The following RBFOX1 variants were observed in gnomAD, a reference collection of about 807,000 sequenced individuals.
RBFOX1 encodes RNA binding protein fox-1 homolog 1.
RBFOX1 carries 8 observed loss-of-function variants against 57.7 expected under a neutral mutation model. The observed-to-expected ratio is 0.14, with a 90% CI of 0.08 to 0.25. RBFOX1 has a LOEUF of 0.25. RBFOX1 is among the 10% of genes least tolerant of loss of function. The pLI is 1.00. For missense variants in RBFOX1, 611 were observed against 548.5 expected, an observed-to-expected ratio of 1.11 and a Z score of -1.14; for synonymous variants, 326 against 222.4, an observed-to-expected ratio of 1.47 and a Z score of -4.15.
At chr16:7,206,314 G>T (rs542533529) in intron 4 of RBFOX1, among the ~76,000 whole-genome samples, 1 of 151,948 alleles carries the variant, frequency 6.6e-6, no homozygotes, top group African/African-American at 2.4e-5. Context: ...TTCAGGTTGT[G>T]TACCATGCAA....
intron 2 of RBFOX1, among the ~76,000 whole-genome samples, chr16:6,576,562 T>G (rs1340883994): frequency 6.6e-6 from 1 of 152,166 alleles, no homozygotes; most frequent in African/African-American, 2.4e-5. Flanking sequence ...TTTTCTTTCT[T>G]AGGTATGTTT....
chr16:6,316,703 C>A (rs1420032), intron 1 of RBFOX1, among the ~76,000 whole-genome samples: 47,037 of 151,982 alleles, frequency 0.31, 7,842 homozygotes, highest in Middle Eastern at 0.4. Context: ...TCAGGCTTCA[C>A]GATGTACATG....
intron 1 of RBFOX1, among the ~76,000 whole-genome samples, chr16:6,211,188 C>T (rs71392466): frequency 0.027 from 2,475 of 90,408 alleles, 66 homozygotes; most frequent in Middle Eastern, 0.047. Context: ...TTTTCTTCTT[C>T]TTTTTTTTTT....
At chr16:5,321,209 C>T (rs2064393986) in intron 1 of RBFOX1, among the ~76,000 whole-genome samples, 2 of 152,142 alleles carry the variant, frequency 1.3e-5, no homozygotes, top group Admixed American at 6.5e-5. Context: ...CCAGTAATAC[C>T]ACCAACTAAA....
At chr16:6,080,499 C>G (rs1279627935) in intron 1 of RBFOX1, among the ~76,000 whole-genome samples, 1 of 152,104 alleles carries the variant, frequency 6.6e-6, no homozygotes, top group Non-Finnish European at 1.5e-5. Context: ...AGCCTCAAGT[C>G]TGGAGGGGGA....
At chr16:6,668,108 C>G (rs939323318) in intron 3 of RBFOX1, among the ~76,000 whole-genome samples, 1 of 152,116 alleles carries the variant, frequency 6.6e-6, no homozygotes, top group African/African-American at 2.4e-5. Context: ...TTTGTGTATC[C>G]TGTAGCTACT....
At chr16:5,835,748 A>T (rs956959971) in intron 3 of RBFOX1, among the ~76,000 whole-genome samples, 2 of 152,202 alleles carry the variant, frequency 1.3e-5, no homozygotes, top group East Asian at 3.9e-4. Flanking sequence ...TTCTTGATTA[A>T]ACTCAATTTG....
At chr16:6,401,988 A>G (rs946989766) in intron 2 of RBFOX1, among the ~76,000 whole-genome samples, 3 of 151,984 alleles carry the variant, frequency 2.0e-5, no homozygotes, top group Non-Finnish European at 2.9e-5. Context: ...GAGCCAGACC[A>G]GCTAACTGTC....
intron 3 of RBFOX1, among the ~76,000 whole-genome samples, chr16:6,712,360 G>A (rs921909870): frequency 1.3e-5 from 2 of 152,256 alleles, no homozygotes; most frequent in East Asian, 1.9e-4. Context: ...TTGTTGAAAT[G>A]TTACGTCTGT....
At chr16:6,788,836 T>C (rs767201309) in intron 3 of RBFOX1, among the ~76,000 whole-genome samples, 1 of 152,120 alleles carries the variant, frequency 6.6e-6, no homozygotes, top group Admixed American at 6.6e-5. Context: ...TTCCATCTTA[T>C]GTCCTAAAAT....
At chr16:6,685,623 C>G (rs1235690025) in intron 3 of RBFOX1, among the ~76,000 whole-genome samples, 1 of 151,812 alleles carries the variant, frequency 6.6e-6, no homozygotes, top group Admixed American at 6.6e-5. Context: ...TAAACCAAGT[C>G]CAGACATCAT....
chr16:5,751,819 A>T lies in RBFOX1; in HGVS notation c.319-115484A>T, dbSNP rs375118112. Among the ~76,000 whole-genome samples the T allele has an allele frequency of 9.2e-5, 14 of 152,296 alleles. No individual in the cohort carries two copies. In the South Asian group the frequency reaches 2.1e-3, roughly 23 times the overall value. On this transcript the variant is annotated intron_variant, in intron 3 of 19. Transcript: ENST00000641259. Reference sequence around the variant, plus strand: ...CCATTTTAATGGTTTTTTATTCCTTATTGGTGGGAAAGTAAATTAGTTCAA... The same window carrying T: ...CCATTTTAATGGTTTTTTATTCCTTTTTGGTGGGAAAGTAAATTAGTTCAA...
chr16:5,380,745 G>C (rs1436748932), intron 1 of RBFOX1, among the ~76,000 whole-genome samples: 2 of 152,226 alleles, frequency 1.3e-5, no homozygotes, highest in Admixed American at 6.5e-5. Context: ...ATGGAGGTGA[G>C]ATCCAAACTC....
intron 1 of RBFOX1, among the ~76,000 whole-genome samples, chr16:5,373,980 C>A (rs574717404): frequency 6.6e-6 from 1 of 152,178 alleles, no homozygotes; most frequent in Admixed American, 6.5e-5. Flanking sequence ...TGCAATGGTG[C>A]GATCTCGGCT....
chr16:7,678,232 T>G (rs2073889052), intron 14 of RBFOX1, among the ~76,000 whole-genome samples: 1 of 152,164 alleles, frequency 6.6e-6, no homozygotes. Flanking sequence ...AATTATACAT[T>G]TACCGAGTAA....
intron 3 of RBFOX1, among the ~76,000 whole-genome samples, chr16:6,997,786 G>T (rs2092395612): frequency 6.6e-6 from 1 of 152,016 alleles, no homozygotes; most frequent in Non-Finnish European, 1.5e-5. Context: ...TCAATTCCCT[G>T]TTTCTCTGAG....
intron 3 of RBFOX1, among the ~76,000 whole-genome samples, chr16:6,828,556 G>C (rs985366498): frequency 6.6e-6 from 1 of 151,644 alleles, no homozygotes; most frequent in African/African-American, 2.4e-5. Flanking sequence ...AGTTTCATAT[G>C]ACTAGAGGCT....
chr16:7,471,070 T>C (rs2061467250), intron 4 of RBFOX1, among the ~76,000 whole-genome samples: 1 of 152,130 alleles, frequency 6.6e-6, no homozygotes, highest in Non-Finnish European at 1.5e-5. Flanking sequence ...AGGAATAAAA[T>C]GAAAATGTTC....
At chr16:6,049,568 GT>G (rs955575057) in intron 1 of RBFOX1, among the ~76,000 whole-genome samples, 3 of 151,190 alleles carry the variant, frequency 2.0e-5, no homozygotes, top group Non-Finnish European at 2.9e-5. Flanking sequence ...GGATAAGAAG[GT>G]TTTTTTCCTA....
Sources: allele counts gnomAD v4.1 joint callset (sites outside exome capture counted in the v4.1 genomes callset), GRCh38; gene constraint gnomAD v4.1.1; transcripts MANE v1.5; gene names NCBI Gene and HGNC (gene_info 2026-07-23, HGNC 2026-07-21).